NAALADL2: variants seen among roughly 807,000 people sequenced by gnomAD.
The protein encoded by NAALADL2 is N-acetylated alpha-linked acidic dipeptidase like 2.
In NAALADL2, 76 loss-of-function variants were observed where a neutral mutation model predicts 87.2. The observed-to-expected ratio is 0.87, with a 90% CI of 0.72 to 1.05. NAALADL2 has a LOEUF of 1.05. Among genes scored for constraint, NAALADL2 ranks in the 50% least tolerant of loss-of-function variants. The probability of loss-of-function intolerance (pLI) is 0.00; values close to 1 mark genes in which losing one functional copy is unlikely to be tolerated. For missense variants in NAALADL2, 1,089 were observed against 945.8 expected, an observed-to-expected ratio of 1.15 and a Z score of -1.99; for synonymous variants, 354 against 331.0, an observed-to-expected ratio of 1.07 and a Z score of -0.75.
At chr3:174,672,151 T>C (rs593727) in intron 2 of NAALADL2, among the ~76,000 whole-genome samples, 123,052 of 152,048 alleles carry the variant, frequency 0.81, 50,024 homozygotes, top group East Asian at 0.93. Flanking sequence ...ATTTTGCTGC[T>C]CTAGCACAAT....
chr3:175,679,986 A>G (rs1735368164), intron 11 of NAALADL2, among the ~76,000 whole-genome samples: 1 of 152,156 alleles, frequency 6.6e-6, no homozygotes, highest in African/African-American at 2.4e-5. Context: ...ATCTGCCTGA[A>G]AAAGGGGAAA....
intron 11 of NAALADL2, among the ~76,000 whole-genome samples, chr3:175,688,666 C>A (rs78865205): frequency 1.3e-5 from 2 of 152,004 alleles, no homozygotes; most frequent in South Asian, 4.2e-4. Context: ...AGTTTATGGA[C>A]GGTGAGATGG....
chr3:174,934,682 CA>C (rs1251620323), intron 1 of NAALADL2, among the ~76,000 whole-genome samples: 1 of 151,856 alleles, frequency 6.6e-6, no homozygotes, highest in East Asian at 1.9e-4. Context: ...ACAACAACAA[CA>C]AAAAACTATG....
intron 5 of NAALADL2, among the ~76,000 whole-genome samples, chr3:175,410,600 G>A (rs1208774938): frequency 6.6e-6 from 1 of 151,088 alleles, no homozygotes. Context: ...TAGTCTAGAG[G>A]AAAAAAAAAT....
chr3:175,077,543 CAAA>C (rs1408267264), intron 1 of NAALADL2, among the ~76,000 whole-genome samples: 1 of 151,952 alleles, frequency 6.6e-6, no homozygotes, highest in Non-Finnish European at 1.5e-5. Flanking sequence ...ATAAAGCTGT[CAAA>C]AAGGCATTTA....
chr3:174,505,454 T>TGCCAAA, intron 1 of NAALADL2, among the ~76,000 whole-genome samples: 1 of 152,340 alleles, frequency 6.6e-6, no homozygotes, highest in Non-Finnish European at 1.5e-5. Context: ...CAGAGAAGGT[T>TGCCAAA]TAAGATTCAA....
At chr3:175,641,175 C>G (rs777340607) in intron 11 of NAALADL2, among the ~76,000 whole-genome samples, 31 of 152,174 alleles carry the variant, frequency 2.0e-4, no homozygotes, top group Non-Finnish European at 3.4e-4. Flanking sequence ...GTGGCTCACT[C>G]CCAGGCTTCT....
chr3:175,212,530 C>G (rs1741910002), intron 2 of NAALADL2, among the ~76,000 whole-genome samples: 1 of 151,616 alleles, frequency 6.6e-6, no homozygotes, highest in South Asian at 2.1e-4. Flanking sequence ...CAGGAAAGAC[C>G]ATGAATCATA....
At chr3:175,101,691 A>G (rs1722215126) in intron 2 of NAALADL2, among the ~76,000 whole-genome samples, 1 of 152,242 alleles carries the variant, frequency 6.6e-6, no homozygotes. Context: ...ACATAGTTTG[A>G]AAATATAATA....
intron 1 of NAALADL2, among the ~76,000 whole-genome samples, chr3:174,919,703 T>C (rs1560364094): frequency 6.6e-6 from 1 of 152,234 alleles, no homozygotes; most frequent in Non-Finnish European, 1.5e-5. Flanking sequence ...ATGAATATTA[T>C]TAATGGCGTA....
intron 11 of NAALADL2, among the ~76,000 whole-genome samples, chr3:175,706,274 G>A (rs961908036): frequency 1.1e-4 from 16 of 151,926 alleles, no homozygotes; most frequent in Non-Finnish European, 1.6e-4. Flanking sequence ...TATCTTCCAC[G>A]ACCCCTAATG....
At chr3:175,244,838 T>C (rs1041346263) in intron 3 of NAALADL2, among the ~76,000 whole-genome samples, 17 of 152,200 alleles carry the variant, frequency 1.1e-4, no homozygotes, top group South Asian at 1.0e-3. Context: ...ACATTACCTA[T>C]GTTTTACTGT....
At chr3:175,726,899 A>T (rs770631033) in intron 11 of NAALADL2, among the ~76,000 whole-genome samples, 1 of 152,158 alleles carries the variant, frequency 6.6e-6, no homozygotes, top group Non-Finnish European at 1.5e-5. Context: ...GTTTCTTGAC[A>T]TCATGAGTTG....
At chr3:174,770,218 A>G (rs2034305646) in intron 3 of NAALADL2, among the ~76,000 whole-genome samples, 1 of 152,210 alleles carries the variant, frequency 6.6e-6, no homozygotes. Flanking sequence ...AACAAAGGGA[A>G]TAAAAACTTG....
chr3:174,916,105 A>G (rs768553667), intron 1 of NAALADL2, among the ~76,000 whole-genome samples: 3 of 152,294 alleles, frequency 2.0e-5, no homozygotes, highest in Non-Finnish European at 4.4e-5. Flanking sequence ...AACAGCCAAC[A>G]AACATAAAAA....
chr3:175,569,823 TACACACACACACAC>T (rs34518577), intron 9 of NAALADL2, among the ~76,000 whole-genome samples: 1 of 147,400 alleles, frequency 6.8e-6, no homozygotes. Flanking sequence ...GACCAACTAA[TACACACACACACAC>T]ACACACACAC....
intron 5 of NAALADL2, among the ~76,000 whole-genome samples, chr3:175,421,036 C>T (rs1162645237): frequency 2.0e-5 from 3 of 151,872 alleles, no homozygotes; most frequent in Admixed American, 6.6e-5. Context: ...TAGAATATAT[C>T]GTGCTTTTTT....
chr3:174,886,469 T>A (rs1453594637), intron 1 of NAALADL2, among the ~76,000 whole-genome samples: 1 of 152,138 alleles, frequency 6.6e-6, no homozygotes, highest in African/African-American at 2.4e-5. Context: ...CCATGAACAA[T>A]ACTTTGTATC....
At chr3:175,297,190 G>T (rs1424035147) in intron 4 of NAALADL2, among the ~76,000 whole-genome samples, 1 of 152,124 alleles carries the variant, frequency 6.6e-6, no homozygotes, top group Non-Finnish European at 1.5e-5. Context: ...TTACTATCTG[G>T]CCCTTGAAAG....
Sources: gnomAD v4.1 joint callset for allele counts (sites outside exome capture counted in the v4.1 genomes callset) on GRCh38, gnomAD v4.1.1 for gene constraint, MANE v1.5 for transcripts, NCBI Gene and HGNC (gene_info 2026-07-23, HGNC 2026-07-21) for gene names.